LINGO2: variants seen among roughly 807,000 people sequenced by gnomAD.
The protein encoded by LINGO2 is leucine rich repeat and Ig domain containing 2, also known as leucine-rich repeat and immunoglobulin-like domain-containing nogo receptor-interacting protein 2.
Under a neutral mutation model 30.6 loss-of-function variants are expected in LINGO2, and 14 were observed. That is an observed-to-expected ratio of 0.46 (90% CI 0.30 to 0.72). The LOEUF (loss-of-function observed/expected upper bound fraction) is 0.72. Ranked by LOEUF, LINGO2 falls within the 30% of genes least tolerant of loss-of-function variation. The pLI is 0.07. For missense variants in LINGO2, 729 were observed against 751.7 expected (o/e 0.97, Z 0.35); for synonymous variants, 317 against 288.5 (o/e 1.10, Z -1.00).
At chr9:28,193,333 TA>T (rs2133784538) in intron 4 of LINGO2, among the ~76,000 whole-genome samples, 1 of 152,272 alleles carries the variant, frequency 6.6e-6, no homozygotes, top group African/African-American at 2.4e-5. Flanking sequence ...AAAATTCACA[TA>T]TATCTTGCTG....
At chr9:28,137,779 A>G (rs770982469) in intron 4 of LINGO2, among the ~76,000 whole-genome samples, 7 of 152,146 alleles carry the variant, frequency 4.6e-5, no homozygotes, top group Non-Finnish European at 7.3e-5. Flanking sequence ...CAAACTTTTT[A>G]TAATAAAAAA....
intron 5 of LINGO2, among the ~76,000 whole-genome samples, chr9:27,987,718 C>T (rs745555972): frequency 2.6e-5 from 4 of 151,824 alleles, no homozygotes; most frequent in Non-Finnish European, 5.9e-5. Context: ...AGACTGTGGC[C>T]TTGGAAGGAT....
chr9:29,172,437 A>G, the LINGO2 span, among the ~76,000 whole-genome samples: 1 of 151,910 alleles, frequency 6.6e-6, no homozygotes, highest in South Asian at 2.1e-4. Flanking sequence ...GAATAGTACT[A>G]TTTAGTCAGA....
chr9:28,823,806 A>G, the LINGO2 span, among the ~76,000 whole-genome samples: 1 of 152,144 alleles, frequency 6.6e-6, no homozygotes, highest in Admixed American at 6.5e-5. Flanking sequence ...GTTATTTTTT[A>G]AAAGGCCCTC....
At chr9:29,109,808 G>A in the LINGO2 span, among the ~76,000 whole-genome samples, 1 of 152,162 alleles carries the variant, frequency 6.6e-6, no homozygotes, top group Non-Finnish European at 1.5e-5. Context: ...AAAGATGCTT[G>A]GACATCCAAA....
intron 3 of LINGO2, among the ~76,000 whole-genome samples, chr9:28,299,167 G>A (rs1824042050): frequency 6.6e-6 from 1 of 152,048 alleles, no homozygotes; most frequent in South Asian, 2.1e-4. Context: ...CCTCTAGGTG[G>A]CCAACAGAAC....
chr9:28,899,323 T>G, the LINGO2 span, among the ~76,000 whole-genome samples: 1 of 152,122 alleles, frequency 6.6e-6, no homozygotes, highest in East Asian at 1.9e-4. Context: ...AGCCTTACAA[T>G]CCAGGTTTGC....
the LINGO2 span, among the ~76,000 whole-genome samples, chr9:28,932,064 G>A: frequency 1.4e-3 from 215 of 149,206 alleles, no homozygotes; most frequent in Non-Finnish European, 2.6e-3. Flanking sequence ...TCAAGATTGC[G>A]CCATTGCACT....
chr9:28,319,709 G>C (rs144147621), intron 3 of LINGO2, among the ~76,000 whole-genome samples: 1 of 152,272 alleles, frequency 6.6e-6, no homozygotes, highest in African/African-American at 2.4e-5. Flanking sequence ...AAATGAGAAT[G>C]AGAGGAGGCG....
intron 1 of LINGO2, among the ~76,000 whole-genome samples, chr9:28,566,758 T>C (rs1823404449): frequency 6.6e-6 from 1 of 152,156 alleles, no homozygotes; most frequent in Non-Finnish European, 1.5e-5. Context: ...GCTTTTAACA[T>C]AAATGAGTAA....
At chr9:28,383,531 T>G (rs1489398145) in intron 2 of LINGO2, among the ~76,000 whole-genome samples, 1 of 151,940 alleles carries the variant, frequency 6.6e-6, no homozygotes, top group Non-Finnish European at 1.5e-5. Flanking sequence ...TCAGGGGATC[T>G]CTATCTGGAA....
chr9:28,540,040 G>GGTTAAGTGGT (rs1821606254), intron 1 of LINGO2, among the ~76,000 whole-genome samples: 1 of 152,018 alleles, frequency 6.6e-6, no homozygotes, highest in African/African-American at 2.4e-5. Flanking sequence ...AGACAGCTAG[G>GGTTAAGTGGT]GTTAAGTGGT....
chr9:28,389,927 G>A (rs1402884513), intron 2 of LINGO2, among the ~76,000 whole-genome samples: 1 of 152,012 alleles, frequency 6.6e-6, no homozygotes, highest in African/African-American at 2.4e-5. Context: ...TCTTAATCTG[G>A]CCCTGGTTTC....
At chr9:28,395,472 A>C (rs915735292) in intron 2 of LINGO2, among the ~76,000 whole-genome samples, 1 of 152,202 alleles carries the variant, frequency 6.6e-6, no homozygotes, top group African/African-American at 2.4e-5. Flanking sequence ...TATATTTCAA[A>C]ACCATTTCAA....
chr9:28,328,441 G>T (rs1272615452), intron 3 of LINGO2, among the ~76,000 whole-genome samples: 4 of 151,966 alleles, frequency 2.6e-5, no homozygotes, highest in African/African-American at 9.7e-5. Context: ...CCAAACATAT[G>T]CCTTCAGCAT....
intron 2 of LINGO2, among the ~76,000 whole-genome samples, chr9:28,440,567 C>T (rs1378413270): frequency 6.6e-6 from 1 of 152,070 alleles, no homozygotes; most frequent in African/African-American, 2.4e-5. Context: ...TAAGTGTAGT[C>T]ATGTCTTTTA....
intron 3 of LINGO2, among the ~76,000 whole-genome samples, chr9:28,368,242 T>C (rs1180458857): frequency 2.0e-5 from 3 of 152,298 alleles, no homozygotes; most frequent in South Asian, 2.1e-4. Flanking sequence ...TTTATAGGAG[T>C]TTCCTTCTGT....
At chr9:28,608,793 T>A (rs892522846) in intron 1 of LINGO2, among the ~76,000 whole-genome samples, 2 of 152,074 alleles carry the variant, frequency 1.3e-5, no homozygotes, top group African/African-American at 2.4e-5. Flanking sequence ...CAGATTTCGT[T>A]TATATTATTC....
intron 5 of LINGO2, among the ~76,000 whole-genome samples, chr9:27,996,040 T>G (rs1218669957): frequency 2.0e-5 from 3 of 152,064 alleles, no homozygotes; most frequent in Non-Finnish European, 4.4e-5. Context: ...AAAAAAATGC[T>G]CACCATCATT....
Sources: gnomAD v4.1 joint callset for allele counts (sites outside exome capture counted in the v4.1 genomes callset) on GRCh38, gnomAD v4.1.1 for gene constraint, MANE v1.5 for transcripts, NCBI Gene and HGNC (gene_info 2026-07-23, HGNC 2026-07-21) for gene names.